The following NGEF variants were observed in gnomAD, a reference collection of about 807,000 sequenced individuals.
NGEF encodes the protein ephexin-1.
Under a neutral mutation model 80.9 loss-of-function variants are expected in NGEF, and 31 were observed. That is an observed-to-expected ratio of 0.38 (90% CI 0.29 to 0.52). NGEF has a LOEUF of 0.52. NGEF is among the 20% of genes least tolerant of loss of function. The probability of loss-of-function intolerance (pLI) is 0.84; values close to 1 mark genes in which losing one functional copy is unlikely to be tolerated. For synonymous variants in NGEF, 371 were observed against 370.2 expected (o/e 1.00, Z -0.03); for missense variants, 709 against 926.2 (o/e 0.77, Z 3.04).
At chr2:232,992,854 G>A (rs1436190809) in intron 1 of NGEF, among the ~76,000 whole-genome samples, 2 of 151,006 alleles carry the variant, frequency 1.3e-5, no homozygotes, top group Non-Finnish European at 2.9e-5. Context: ...GGATGTGGTG[G>A]CACACACCTG....
chr2:232,925,620 A>G (rs1490214685), intron 4 of NGEF, among the ~76,000 whole-genome samples: 1 of 152,134 alleles, frequency 6.6e-6, no homozygotes, highest in Non-Finnish European at 1.5e-5. Context: ...CCCACAGTGC[A>G]GAAGGGAGGC....
chr2:232,995,596 GTA>G (rs1479033561), intron 1 of NGEF, among the ~76,000 whole-genome samples: 1 of 34,786 alleles, frequency 2.9e-5, no homozygotes, highest in Non-Finnish European at 6.9e-5. Context: ...TATGTATACT[GTA>G]TATATATACA....
At position 232,881,200 on chromosome 2, in the gene NGEF, C is replaced by T; in HGVS notation, c.1888G>A (p.Glu630Lys). Reference sequence around the variant, plus strand: ...ATGTCGGCGAGCTCCAGCGTCAGCTCGTCTGGCTGCTGAGCCACGTATGGG... The same window carrying T: ...ATGTCGGCGAGCTCCAGCGTCAGCTTGTCTGGCTGCTGAGCCACGTATGGG... ...VHPYVAQQPD[E>K]LTLELADILN... Residue 630 changes from glutamate to lysine, a missense_variant, in exon 14 of 15, where the codon GAG becomes AAG. Physicochemically the swap from Glu to Lys is moderately conservative, Grantham distance 56. This residue lies in a region of NGEF where 426 missense variants were observed against 622.9 expected (regional missense o/e 0.68). Coordinates refer to ENST00000264051, the MANE Select transcript of NGEF (RefSeq NM_019850.3). The T allele has an allele frequency of 6.2e-7, 1 of 1,611,530 alleles. No individual in the cohort carries two copies. Among genetic ancestry groups the T allele is most frequent in the Non-Finnish European group, 8.5e-7 (1 of 1,180,006 alleles).
chr2:232,986,978 A>G (rs572997170), intron 1 of NGEF, among the ~76,000 whole-genome samples: 2 of 152,318 alleles, frequency 1.3e-5, no homozygotes, highest in East Asian at 3.9e-4. Context: ...GGAAGCATAA[A>G]TCAAGTGTTG....
intron 5 of NGEF, among the ~76,000 whole-genome samples, chr2:232,907,398 G>A (rs1389269614): frequency 6.6e-6 from 1 of 152,078 alleles, no homozygotes; most frequent in South Asian, 2.1e-4. Context: ...TGCCTGTCTT[G>A]CTTTGATAAA....
chr2:232,990,472 C>T (rs1350208046), intron 1 of NGEF, among the ~76,000 whole-genome samples: 2 of 151,910 alleles, frequency 1.3e-5, no homozygotes, highest in Non-Finnish European at 2.9e-5. Flanking sequence ...AGTTTTAGTG[C>T]CATTCCAATG....
chr2:233,002,288 T>C (rs533008915), intron 1 of NGEF, among the ~76,000 whole-genome samples: 1 of 152,316 alleles, frequency 6.6e-6, no homozygotes, highest in African/African-American at 2.4e-5. Flanking sequence ...TCACAGATAT[T>C]AAAGCTTAGG....
intron 5 of NGEF, among the ~76,000 whole-genome samples, chr2:232,912,889 CTCTT>C (rs1192572195): frequency 2.6e-5 from 4 of 152,120 alleles, no homozygotes; most frequent in African/African-American, 7.2e-5. Flanking sequence ...TTTATATCTT[CTCTT>C]TTTTTGTCAA....
At chr2:233,001,377 C>T (rs115936787) in intron 1 of NGEF, among the ~76,000 whole-genome samples, 3,286 of 152,336 alleles carry the variant, frequency 0.022, 65 homozygotes, top group Admixed American at 0.045. Context: ...CACCTTTGCA[C>T]ATCCTCATGT....
intron 11 of NGEF, among the ~76,000 whole-genome samples, 168 bp from the exon 12 acceptor site, chr2:232,883,634 G>A (rs1559189591): frequency 6.6e-6 from 1 of 152,152 alleles, no homozygotes; most frequent in Non-Finnish European, 1.5e-5. Flanking sequence ...CCAAAAGGGT[G>A]ACCCATCCCA....
intron 3 of NGEF, among the ~76,000 whole-genome samples, chr2:232,944,032 A>G (rs1280129227): frequency 1.3e-5 from 2 of 151,714 alleles, no homozygotes; most frequent in Non-Finnish European, 2.9e-5. Flanking sequence ...CAGGAGTTCC[A>G]GACCAGCCTG....
intron 5 of NGEF, among the ~76,000 whole-genome samples, chr2:232,905,226 C>T (rs548639985): frequency 0.039 from 5,937 of 152,260 alleles, 406 homozygotes; most frequent in African/African-American, 0.13. Context: ...CTCAGCCTGC[C>T]GAGTGCCTGC....
Position 232,974,643 on chromosome 2 carries a change from C to G in NGEF, c.248G>C (p.Arg83Pro). 6.2e-7 allele frequency: 1 copy of G among 1,613,954 alleles called. No individual in the cohort carries two copies. Among genetic ancestry groups the G allele is most frequent in the Non-Finnish European group, 8.5e-7 (1 of 1,179,978 alleles). ...SKAKARDNPE[R>P]NASCLADSQD... ...CTGACCTGCCAGGCAGCTGGCGTTC[C>G]GTTCGGGGTTGTCTCTGGCCTTGGC... Residue 83 changes from arginine (R) to proline (P), a missense_variant, in exon 2 of 15, where the codon CGG becomes CCG. Around this residue, in one of 2 missense-constraint regions of NGEF, gnomAD observed 283 missense variants for 303.4 expected, o/e 0.93. Transcript: ENST00000264051.
intron 2 of NGEF, among the ~76,000 whole-genome samples, chr2:232,971,615 G>A (rs1401540507): frequency 6.6e-6 from 1 of 152,206 alleles, no homozygotes; most frequent in Admixed American, 6.5e-5. Context: ...AACCCAGGAA[G>A]TGGAGGCTGC....
chr2:232,894,162 T>C (rs1379773358), intron 6 of NGEF, among the ~76,000 whole-genome samples: 1 of 152,170 alleles, frequency 6.6e-6, no homozygotes, highest in African/African-American at 2.4e-5. Context: ...TTGGTTCCTT[T>C]CCTTTTCAAA....
Position 232,879,339 on chromosome 2 carries a change from C to A in NGEF, c.*150G>T. ...CAAGGGGCCAAGACACATGAGCACT[C>A]ACTGCGTGGGCAGGGATGAGGGCCG... On this transcript the variant is annotated 3_prime_UTR_variant, in exon 15 of 15. Transcript: ENST00000264051. The A allele has an allele frequency of 2.8e-6, 2 of 720,948 alleles. No homozygotes were observed. Among genetic ancestry groups the A allele is most frequent in the Non-Finnish European group, 2.3e-6 (1 of 440,122 alleles). The allele number at this position is 720,948 out of a possible 1,614,324, so 44.7% of individuals were successfully genotyped here.
At chr2:232,883,051 G>GAA in intron 12 of NGEF, among the ~76,000 whole-genome samples, 2 of 101,350 alleles carry the variant, frequency 2.0e-5, no homozygotes, top group South Asian at 5.7e-4. Context: ...AGCCCCAAGG[G>GAA]AACACACACA....
rs192731446 is a variant in NGEF at position 232,906,508 on chromosome 2, G to C, written c.829-11592C>G. ...CCCCTCTGCCCGGCCACCACCCCGT[G>C]TGGGAGGGAGGTGGGGGGGTCAGCC... is the stretch of plus-strand genomic sequence containing the variant. On this transcript the variant is annotated intron_variant, in intron 5 of 14. Transcript: ENST00000264051. Among the ~76,000 whole-genome samples the C allele has an allele frequency of 4.4e-3, 30 of 6,824 alleles. 1 individual carries two copies. Among genetic ancestry groups the C allele is most frequent in the African/African-American group, 8.3e-3 (8 of 968 alleles). The allele number at this position is 6,824 out of a possible 152,430, so 4.5% of individuals were successfully genotyped here. A position where few individuals can be genotyped will look rare whatever the true frequency, so the allele number is the denominator to read the frequency against.
At chr2:232,906,078 C>T (rs1407195432) in intron 5 of NGEF, among the ~76,000 whole-genome samples, 8 of 119,472 alleles carry the variant, frequency 6.7e-5, no homozygotes, top group Non-Finnish European at 1.8e-5. Flanking sequence ...GTGAGGGGGT[C>T]AGCCCCCCGC....
Sources: gnomAD v4.1 joint callset for allele counts (sites outside exome capture counted in the v4.1 genomes callset) on GRCh38, gnomAD v4.1.1 for gene constraint, gnomAD v4.1.1 regional missense constraint, MANE v1.5 for transcripts, NCBI Gene and HGNC (gene_info 2026-07-23, HGNC 2026-07-21) for gene names.